The following WNT5A variants were observed in gnomAD, a reference collection of about 807,000 sequenced individuals.
WNT5A encodes protein Wnt-5a.
A neutral mutation model predicts 42.1 loss-of-function variants in WNT5A; 9 were observed. The ratio of observed to expected loss-of-function variants is 0.21; its 90% confidence interval spans 0.13 to 0.37. The LOEUF (loss-of-function observed/expected upper bound fraction) is 0.37. Among genes scored for constraint, WNT5A ranks in the 10% least tolerant of loss-of-function variants. The pLI, the probability that WNT5A is intolerant of heterozygous loss-of-function variation, is 1.00. For missense variants in WNT5A, 426 were observed against 534.0 expected (o/e 0.80, Z 1.99); for synonymous variants, 210 against 210.0 (o/e 1.00, Z 0.00).
At chr3:55,479,116 A>T (rs934432634) in intron 3 of WNT5A, 198 bp downstream of exon 3, 1 of 464,198 alleles carries the variant, frequency 2.2e-6, no homozygotes, top group Admixed American at 4.1e-5. Flanking sequence ...TCCTGATTTG[A>T]TTAAAATCCA....
intron 4 of WNT5A, 97 bp from the exon 5 acceptor site, chr3:55,470,647 T>A: frequency 1.7e-6 from 2 of 1,156,182 alleles, no homozygotes; most frequent in East Asian, 2.6e-5. Flanking sequence ...CATGGAGCTA[T>A]GTTCCCCAGC....
the WNT5A span, among the ~76,000 whole-genome samples, chr3:55,500,424 A>C: frequency 7.4e-4 from 112 of 152,368 alleles, no homozygotes; most frequent in African/African-American, 2.4e-3. Context: ...GTTTTGGTTC[A>C]CTAAGAACTA....
rs2051511418 is a variant in WNT5A, at chr3:55,483,581, C to T, written c.7-2663G>A. On this transcript the variant is annotated intron_variant, in intron 1 of 4. Transcript: ENST00000264634. The surrounding 1 kb of genome is among the most constrained non-coding windows in gnomAD (Gnocchi z 4.2). Reference sequence around the variant, plus strand: ...AGAAGGGGCTAAATGTTTTCCAACACTTTCGGGGCTCAGGGAAGATGACTC... The same window carrying T: ...AGAAGGGGCTAAATGTTTTCCAACATTTTCGGGGCTCAGGGAAGATGACTC... Among the ~76,000 whole-genome samples the T allele has an allele frequency of 6.6e-6, 1 of 152,172 alleles. No individual in the cohort carries two copies.
At chr3:55,478,144 G>T (rs1050237985) in intron 3 of WNT5A, among the ~76,000 whole-genome samples, 1 of 152,082 alleles carries the variant, frequency 6.6e-6, no homozygotes, top group East Asian at 1.9e-4. Context: ...TAACAGAAAG[G>T]ACAAAGCCCC....
intron 1 of WNT5A, among the ~76,000 whole-genome samples, chr3:55,482,599 G>A (rs1489671973): frequency 6.6e-6 from 1 of 152,152 alleles, no homozygotes; most frequent in East Asian, 1.9e-4. Context: ...GGACGCTTCG[G>A]GGCTTCTCAA....
At chr3:55,489,757 C>G (rs375193971), upstream of WNT5A, 2 of 152,404 alleles carry the variant, frequency 1.3e-5, no homozygotes, top group Non-Finnish European at 2.9e-5. Flanking sequence ...ATTCCTCTAA[C>G]CTTCTCCTCT....
At chr3:55,488,543 G>A (rs556685670), upstream of WNT5A, among the ~76,000 whole-genome samples, 20 of 152,280 alleles carry the variant, frequency 1.3e-4, no homozygotes, top group South Asian at 2.1e-4. Flanking sequence ...CGCATGCGTG[G>A]TGAGGCCGGC....
chr3:55,487,117 C>G lies in WNT5A; in HGVS notation c.-132G>C, dbSNP rs2051593918. Reference sequence around the variant, plus strand: ...GCTGCGGAGTCCTCCGGCGCGCGTCCGGCGGGCGCAGTGAACCGGAGCTGA... The same window carrying G: ...GCTGCGGAGTCCTCCGGCGCGCGTCGGGCGGGCGCAGTGAACCGGAGCTGA... On this transcript the variant is annotated 5_prime_UTR_variant, in exon 1 of 5. Transcript: ENST00000264634. 1 of 767,730 alleles carries G rather than the reference C, an allele frequency of 1.3e-6. No homozygotes were observed. 47.6% of individuals were successfully genotyped at this position (767,730 alleles called of 1,614,324 possible).
intron 4 of WNT5A, among the ~76,000 whole-genome samples, chr3:55,472,964 C>T (rs548715846): frequency 6.6e-6 from 1 of 151,940 alleles, no homozygotes; most frequent in Non-Finnish European, 1.5e-5. Context: ...TGAGGCCTCA[C>T]AATAACCTCA....
At chr3:55,494,831 C>T (rs543559557), upstream of WNT5A, among the ~76,000 whole-genome samples, 1 of 152,310 alleles carries the variant, frequency 6.6e-6, no homozygotes, top group Admixed American at 6.5e-5. Flanking sequence ...GCCATGGCAC[C>T]AGACCGCCAT....
upstream of WNT5A, among the ~76,000 whole-genome samples, chr3:55,494,601 C>G (rs1435901414): frequency 6.6e-6 from 1 of 152,022 alleles, no homozygotes; most frequent in African/African-American, 2.4e-5. Flanking sequence ...TGCAGTGGTG[C>G]GATCTTAGCT....
chr3:55,468,671 G>A lies in WNT5A; in HGVS notation c.*1421C>T, dbSNP rs2051190739. The A allele has an allele frequency of 6.6e-6, 1 of 150,730 alleles. No homozygotes were observed. Among genetic ancestry groups the A allele is most frequent in the African/African-American group, 2.4e-5 (1 of 41,144 alleles). The allele number at this position is 150,730 out of a possible 1,614,324, so 9.3% of individuals were successfully genotyped here. A position where few individuals can be genotyped will look rare whatever the true frequency, so the allele number is the denominator to read the frequency against. On this transcript the variant is annotated 3_prime_UTR_variant, in exon 5 of 5. Transcript: ENST00000264634. ...ATATGTATATATATATATATGTTAT[G>A]TACAAAAGACTTTGAGATATCAGGC...
chr3:55,479,787 G>C (rs934987892), intron 2 of WNT5A, among the ~76,000 whole-genome samples: 2 of 152,110 alleles, frequency 1.3e-5, no homozygotes, highest in Admixed American at 1.3e-4. Flanking sequence ...TGGCTCCTCA[G>C]TTAGTATTTT....
intron 1 of WNT5A, among the ~76,000 whole-genome samples, chr3:55,484,641 G>GC (rs756202241): frequency 7.3e-5 from 11 of 150,428 alleles, no homozygotes; most frequent in Non-Finnish European, 1.3e-4. Flanking sequence ...TCTGTTTCCT[G>GC]CCCCCTCGTC....
chr3:55,484,875 C>T (rs536070978), intron 1 of WNT5A, among the ~76,000 whole-genome samples: 27 of 152,322 alleles, frequency 1.8e-4, no homozygotes, highest in African/African-American at 6.5e-4. Flanking sequence ...TTCTCTCCCA[C>T]TTTTTAATAG....
At chr3:55,479,663 C>CT (rs1449472868) in intron 2 of WNT5A, 99 bp from the exon 3 acceptor site, 2 of 1,417,050 alleles carry the variant, frequency 1.4e-6, no homozygotes, top group East Asian at 2.3e-5. Flanking sequence ...CACACAGATG[C>CT]TTTTTTCTCT....
At chr3:55,474,880 G>A (rs1307970367) in intron 3 of WNT5A, among the ~76,000 whole-genome samples, 1 of 123,266 alleles carries the variant, frequency 8.1e-6, no homozygotes, top group Non-Finnish European at 1.7e-5. Context: ...GTAGAAGGTG[G>A]GGGGCAGGTA....
upstream of WNT5A, chr3:55,488,082 G>T (rs989153257): frequency 6.6e-6 from 1 of 152,300 alleles, no homozygotes; most frequent in African/African-American, 2.4e-5. Context: ...AGCTCCGGCG[G>T]TCCATGGCCG....
chr3:55,497,378 G>A, the WNT5A span: 1 of 152,236 alleles, frequency 6.6e-6, no homozygotes, highest in Non-Finnish European at 1.5e-5. Flanking sequence ...GCAAGCAAGT[G>A]AGTCACTCAC....
Sources: allele counts gnomAD v4.1 joint callset (sites outside exome capture counted in the v4.1 genomes callset), GRCh38; gene constraint gnomAD v4.1.1; non-coding constraint Gnocchi (gnomAD v3.1); transcripts MANE v1.5; gene names NCBI Gene and HGNC (gene_info 2026-07-23, HGNC 2026-07-21).